LRFN2: variants seen among roughly 807,000 people sequenced by gnomAD.
LRFN2 encodes leucine-rich repeat and fibronectin type-III domain-containing protein 2.
In LRFN2, 18 loss-of-function variants were observed where a neutral mutation model predicts 37.3. The ratio of observed to expected loss-of-function variants is 0.48; its 90% CI spans 0.33 to 0.72. LRFN2 has a LOEUF of 0.72. Ranked by LOEUF, LRFN2 falls within the 30% of genes least tolerant of loss-of-function variation. The pLI, the probability that LRFN2 is intolerant of heterozygous loss-of-function variation, is 0.02. For synonymous variants in LRFN2, 556 were observed against 466.6 expected, an observed-to-expected ratio of 1.19 and a Z score of -2.47; for missense variants, 1,006 against 1,060.7, an observed-to-expected ratio of 0.95 and a Z score of 0.72.
chr6:40,560,375 A>G (rs1218871490), intron 1 of LRFN2, among the ~76,000 whole-genome samples: 2 of 152,158 alleles, frequency 1.3e-5, no homozygotes, highest in East Asian at 3.9e-4. Flanking sequence ...ACCATGCCTG[A>G]CTGGGGAAGC....
chr6:40,581,402 T>C (rs1248727315), intron 1 of LRFN2, among the ~76,000 whole-genome samples: 1 of 152,110 alleles, frequency 6.6e-6, no homozygotes, highest in Non-Finnish European at 1.5e-5. Context: ...ACACAGCAAG[T>C]TACGGGCAGA....
chr6:40,555,692 C>A (rs10456490), intron 1 of LRFN2, among the ~76,000 whole-genome samples: 72,020 of 151,802 alleles, frequency 0.47, 18,120 homozygotes, highest in African/African-American at 0.64. Context: ...CCTGTCCTCC[C>A]AAAGTCTCCA....
intron 1 of LRFN2, among the ~76,000 whole-genome samples, chr6:40,449,006 T>C (rs958485789): frequency 6.6e-6 from 1 of 152,198 alleles, no homozygotes; most frequent in Non-Finnish European, 1.5e-5. Context: ...ACACGCAGCA[T>C]TGTGCTCTTC....
intron 1 of LRFN2, chr6:40,516,187 C>T (rs1765866359): frequency 6.6e-6 from 1 of 152,128 alleles, no homozygotes; most frequent in Non-Finnish European, 1.5e-5. Flanking sequence ...ACTAAGAAAC[C>T]CCTTCAGGCT....
chr6:40,506,238 C>T (rs73734506), intron 1 of LRFN2, among the ~76,000 whole-genome samples: 10,526 of 152,200 alleles, frequency 0.069, 783 homozygotes, highest in African/African-American at 0.17. Flanking sequence ...TAGAATAAGC[C>T]GTGTCATGGA....
chr6:40,507,626 G>A (rs1225977924), intron 1 of LRFN2, among the ~76,000 whole-genome samples: 1 of 152,184 alleles, frequency 6.6e-6, no homozygotes, highest in Non-Finnish European at 1.5e-5. Flanking sequence ...TTTCTCCTCT[G>A]AAAATTGGGA....
intron 1 of LRFN2, among the ~76,000 whole-genome samples, chr6:40,577,523 G>A (rs577939121): frequency 1.6e-4 from 24 of 150,742 alleles, no homozygotes; most frequent in African/African-American, 5.4e-4. Context: ...ATGCTGGTGC[G>A]CTGCACCCAC....
intron 1 of LRFN2, among the ~76,000 whole-genome samples, chr6:40,490,213 G>C (rs1168501150): frequency 6.6e-6 from 1 of 152,244 alleles, no homozygotes; most frequent in Non-Finnish European, 1.5e-5. Flanking sequence ...CTCCAGATTG[G>C]AGTACAAGTG....
chr6:40,511,418 T>C (rs1156693479), intron 1 of LRFN2, among the ~76,000 whole-genome samples: 2 of 152,166 alleles, frequency 1.3e-5, no homozygotes, highest in African/African-American at 4.8e-5. Context: ...GATGTTAAAA[T>C]AAACATCTTA....
At chr6:40,520,802 T>C (rs1766039557) in intron 1 of LRFN2, among the ~76,000 whole-genome samples, 2 of 152,134 alleles carry the variant, frequency 1.3e-5, no homozygotes, top group Non-Finnish European at 1.5e-5. Flanking sequence ...GTGGTCTCCA[T>C]GGCAGATGCT....
rs540955723 is a variant in LRFN2 at position 40,459,134 on chromosome 6, C to T, written c.-18-26003G>A. Among the ~76,000 whole-genome samples the T allele has an allele frequency of 5.9e-5, 9 of 152,324 alleles. No individual in the cohort carries two copies. The South Asian group carries it at 1.5e-3, about 25-fold the overall frequency. Reference sequence around the variant, plus strand: ...AAACTGGGCTAAAGATCTCTACCTTCCCTAAGAAGGAAAGCCAGGTCCCTG... The same window carrying T: ...AAACTGGGCTAAAGATCTCTACCTTTCCTAAGAAGGAAAGCCAGGTCCCTG... On this transcript the variant is annotated intron_variant, in intron 1 of 2. Coordinates refer to ENST00000338305, the MANE Select transcript of LRFN2 (RefSeq NM_020737.3).
rs376685134 is a variant in LRFN2 at position 40,538,330 on chromosome 6, C to T, written c.-19+48611G>A. Among the ~76,000 whole-genome samples the T allele has an allele frequency of 5.3e-4, 81 of 152,108 alleles. 1 individual carries two copies. The East Asian group carries it at 0.013, about 24-fold the overall frequency. ...CCCGGGCCTCCAGCTGTGTAGCAGC[C>T]CCCCTTCTCCAGGGCCCCCTGCCAC... On this transcript the variant is annotated intron_variant, in intron 1 of 2. Transcript: ENST00000338305.
At chr6:40,523,040 A>C (rs2113902495) in intron 1 of LRFN2, among the ~76,000 whole-genome samples, 1 of 152,314 alleles carries the variant, frequency 6.6e-6, no homozygotes, top group South Asian at 2.1e-4. Flanking sequence ...CTGAGTGTGC[A>C]AACATGCACT....
chr6:40,508,084 C>A (rs1216744531), intron 1 of LRFN2, among the ~76,000 whole-genome samples: 1 of 152,182 alleles, frequency 6.6e-6, no homozygotes, highest in Non-Finnish European at 1.5e-5. Flanking sequence ...CCAAGCCTAG[C>A]TCTGTTCCTT....
At chr6:40,565,036 A>G (rs1767063387) in intron 1 of LRFN2, among the ~76,000 whole-genome samples, 1 of 152,224 alleles carries the variant, frequency 6.6e-6, no homozygotes, top group South Asian at 2.1e-4. Flanking sequence ...GAAAGCCTCA[A>G]CAAGACTGAT....
intron 2 of LRFN2, among the ~76,000 whole-genome samples, chr6:40,428,761 T>A (rs975852425): frequency 2.0e-5 from 3 of 152,234 alleles, no homozygotes; most frequent in Non-Finnish European, 2.9e-5. Context: ...AAACACATAG[T>A]AGCCTGGCAG....
At chr6:40,585,223 A>C (rs1415431727) in intron 1 of LRFN2, among the ~76,000 whole-genome samples, 1 of 152,186 alleles carries the variant, frequency 6.6e-6, no homozygotes, top group Non-Finnish European at 1.5e-5. Context: ...CAGGAAGATA[A>C]ATAATTACAT....
intron 1 of LRFN2, among the ~76,000 whole-genome samples, chr6:40,578,942 G>A (rs1006253815): frequency 1.3e-5 from 2 of 152,154 alleles, no homozygotes; most frequent in Non-Finnish European, 1.5e-5. Flanking sequence ...CTCCATCCAC[G>A]AATTTTGGTG....
At chr6:40,551,124 C>A (rs1766771769) in intron 1 of LRFN2, among the ~76,000 whole-genome samples, 1 of 152,088 alleles carries the variant, frequency 6.6e-6, no homozygotes, top group South Asian at 2.1e-4. Context: ...ATGACCCTGG[C>A]CACAGAGACT....
Sources: gnomAD v4.1 joint callset for allele counts (sites outside exome capture counted in the v4.1 genomes callset) on GRCh38, gnomAD v4.1.1 for gene constraint, MANE v1.5 for transcripts, NCBI Gene and HGNC (gene_info 2026-07-23, HGNC 2026-07-21) for gene names.